The following KAZN variants were observed in gnomAD, a reference collection of about 807,000 sequenced individuals.
KAZN encodes kazrin.
KAZN carries 40 observed loss-of-function variants against 87.4 expected under a neutral mutation model. The observed-to-expected ratio is 0.46, with a 90% CI of 0.36 to 0.60. The LOEUF (loss-of-function observed/expected upper bound fraction) is 0.60, where lower values mean the gene tolerates loss of function less well. Among genes scored for constraint, KAZN ranks in the 20% least tolerant of loss-of-function variants. The pLI, the probability that KAZN is intolerant of heterozygous loss-of-function variation, is 0.00. For synonymous variants in KAZN, 466 were observed against 458.3 expected (o/e 1.02, Z -0.22); for missense variants, 898 against 1,073.9 (o/e 0.84, Z 2.29).
chr1:14,876,154 G>C (rs758472683), intron 1 of KAZN, among the ~76,000 whole-genome samples: 1 of 152,200 alleles, frequency 6.6e-6, no homozygotes, highest in Non-Finnish European at 1.5e-5. Flanking sequence ...GAGGCTTGCC[G>C]CGGAGGTGAG....
rs145682632 is a variant in KAZN, at chr1:13,990,574, C to T, written c.91+96818C>T. On this transcript the variant is annotated intron_variant, in intron 1 of 16. Coordinates refer to the KAZN transcript ENST00000636203. ...GGACACGCGGGAGCTTTCTCATTGA[C>T]AGTAGTCTCTATATTTTGATAGAGG... 1.8e-3 allele frequency among the ~76,000 whole-genome samples: 279 copies of T among 152,200 alleles called. 1 individual carries two copies. The highest frequency in any genetic ancestry group is 6.3e-3 in the African/African-American group (263 of 41,504).
At chr1:15,007,069 A>G (rs920061883) in intron 2 of KAZN, among the ~76,000 whole-genome samples, 1 of 150,812 alleles carries the variant, frequency 6.6e-6, no homozygotes, top group East Asian at 2.0e-4. Context: ...AAAAAAAAAA[A>G]AAAAAAAAGA....
At chr1:14,302,675 G>A (rs1002716192) in intron 2 of KAZN, among the ~76,000 whole-genome samples, 2 of 152,182 alleles carry the variant, frequency 1.3e-5, no homozygotes, top group Non-Finnish European at 2.9e-5. Context: ...AGAGGGATCA[G>A]AGGTTTTATC....
At chr1:14,117,804 T>C (rs889612499) in intron 1 of KAZN, among the ~76,000 whole-genome samples, 18 of 152,168 alleles carry the variant, frequency 1.2e-4, no homozygotes, top group African/African-American at 4.3e-4. Flanking sequence ...GGGGTTCTTG[T>C]TGCAGGTAAA....
chr1:14,598,727 C>T lies in KAZN; in HGVS notation c.-271C>T, dbSNP rs1294651752. ...CGGCGCCCGCCCGCCGGGGTCTCGG[C>T]GATCGCTGCTCCTCCTCCTCCTTCT... is the stretch of plus-strand genomic sequence containing the variant. On this transcript the variant is annotated 5_prime_UTR_variant, in exon 1 of 15. Transcript: ENST00000376030. The surrounding 1 kb of genome is among the most constrained non-coding windows in gnomAD (Gnocchi z 4.2). The T allele has an allele frequency of 2.3e-6, 3 of 1,320,406 alleles. No individual in the cohort carries two copies. Among genetic ancestry groups the T allele is most frequent in the Admixed American group, 4.2e-5 (1 of 23,554 alleles). 81.8% of individuals were successfully genotyped at this position (1,320,406 alleles called of 1,614,324 possible). A position where few individuals can be genotyped will look rare whatever the true frequency, so the allele number is the denominator to read the frequency against.
At chr1:14,123,408 A>G (rs1644793532) in intron 1 of KAZN, among the ~76,000 whole-genome samples, 1 of 152,224 alleles carries the variant, frequency 6.6e-6, no homozygotes. Context: ...CATCTTCTGC[A>G]GGACCATTCC....
intron 2 of KAZN, among the ~76,000 whole-genome samples, chr1:14,964,650 G>T (rs576308298): frequency 6.6e-6 from 1 of 152,154 alleles, no homozygotes; most frequent in African/African-American, 2.4e-5. Context: ...GGGAATAAAC[G>T]CACAAGCCGA....
intron 2 of KAZN, among the ~76,000 whole-genome samples, chr1:14,525,327 A>T (rs933963570): frequency 6.6e-6 from 1 of 152,106 alleles, no homozygotes; most frequent in African/African-American, 2.4e-5. Context: ...TATCATGTAG[A>T]ACATAAATTA....
Position 14,586,967 on chromosome 1 carries a change from C to T in KAZN, c.250-12016C>T, listed in dbSNP as rs115448305. On this transcript the variant is annotated intron_variant, in intron 2 of 16. Coordinates refer to the KAZN transcript ENST00000636203. ...GCTGACAATTAAAATTAGAGGTGTG[C>T]GTAAAGGAAATGAAATCCACACTGC... Among the ~76,000 whole-genome samples, 1,259 of 152,138 alleles carry T rather than the reference C, an allele frequency of 8.3e-3. 22 individuals carry two copies. The highest frequency in any genetic ancestry group is 0.028 in the African/African-American group (1,161 of 41,474).
intron 1 of KAZN, among the ~76,000 whole-genome samples, chr1:14,788,438 G>A (rs1243740891): frequency 4.6e-5 from 7 of 152,132 alleles, no homozygotes; most frequent in Admixed American, 1.3e-4. Context: ...CGGGGAAGCC[G>A]GGGTGGGTAA....
rs529094329 is a variant in KAZN at position 14,278,977 on chromosome 1, A to G, written c.249+98385A>G. On this transcript the variant is annotated intron_variant, in intron 2 of 16. Transcript: ENST00000636203. ...CAGGCAAGACTATTTCCAACATGCC[A>G]CTGCGTCAATCAGGAGGTAGATAAT... Among the ~76,000 whole-genome samples the G allele has an allele frequency of 6.7e-4, 83 of 123,046 alleles. 2 individuals carry two copies. Among genetic ancestry groups the G allele is most frequent in the Middle Eastern group, 6.8e-3 (1 of 146 alleles). 80.7% of individuals were successfully genotyped at this position (123,046 alleles called of 152,430 possible). A position where few individuals can be genotyped will look rare whatever the true frequency, so the allele number is the denominator to read the frequency against.
At chr1:13,954,917 G>T (rs1641486020) in intron 1 of KAZN, among the ~76,000 whole-genome samples, 1 of 152,112 alleles carries the variant, frequency 6.6e-6, no homozygotes, top group Non-Finnish European at 1.5e-5. Flanking sequence ...TCTTTCCAAT[G>T]CTAGAAGTAT....
At chr1:14,570,045 A>G (rs1211622452) in intron 2 of KAZN, among the ~76,000 whole-genome samples, 2 of 151,988 alleles carry the variant, frequency 1.3e-5, no homozygotes, top group Admixed American at 6.5e-5. Context: ...CCCAGGAGGT[A>G]GAGGTTGCAG....
At chr1:14,131,502 C>A (rs1644991953) in intron 1 of KAZN, among the ~76,000 whole-genome samples, 2 of 152,198 alleles carry the variant, frequency 1.3e-5, no homozygotes, top group Non-Finnish European at 1.5e-5. Flanking sequence ...CCTTCTCCAG[C>A]ACATTAGATA....
At chr1:15,082,291 A>G (rs574754071) in intron 8 of KAZN, among the ~76,000 whole-genome samples, 10 of 152,114 alleles carry the variant, frequency 6.6e-5, no homozygotes, top group Non-Finnish European at 1.0e-4. Flanking sequence ...CAACTCAGAC[A>G]CACAAGACAC....
At chr1:14,888,687 C>G (rs764128707) in intron 1 of KAZN, among the ~76,000 whole-genome samples, 2 of 152,096 alleles carry the variant, frequency 1.3e-5, no homozygotes, top group Non-Finnish European at 2.9e-5. Flanking sequence ...AGTGATGTAT[C>G]AGTTAGGATA....
intron 1 of KAZN, among the ~76,000 whole-genome samples, chr1:13,903,260 T>G (rs1639313550): frequency 6.6e-6 from 1 of 152,238 alleles, no homozygotes; most frequent in Non-Finnish European, 1.5e-5. Context: ...ACATTTTTCT[T>G]TTGGACATTA....
chr1:14,588,621 G>C (rs143761853), intron 2 of KAZN, among the ~76,000 whole-genome samples: 2 of 152,316 alleles, frequency 1.3e-5, no homozygotes, highest in African/African-American at 4.8e-5. Flanking sequence ...TTTCTAATTT[G>C]CACAAAGGTG....
chr1:15,082,947 A>T (rs1573270565), intron 8 of KAZN, among the ~76,000 whole-genome samples: 3 of 152,018 alleles, frequency 2.0e-5, no homozygotes, highest in East Asian at 3.9e-4. Context: ...CTGCATTTTT[A>T]ACCACCTCCC....
Sources: gnomAD v4.1 joint callset for allele counts (sites outside exome capture counted in the v4.1 genomes callset) on GRCh38, gnomAD v4.1.1 for gene constraint, Gnocchi (gnomAD v3.1) non-coding constraint, MANE v1.5 for transcripts, NCBI Gene and HGNC (gene_info 2026-07-23, HGNC 2026-07-21) for gene names.